The following AUTS2 variants were observed in gnomAD, a reference collection of about 807,000 sequenced individuals.
AUTS2 encodes autism susceptibility gene 2 protein.
AUTS2 carries 17 observed loss-of-function variants against 112.4 expected under a neutral mutation model. That is an observed-to-expected ratio of 0.15 (90% confidence interval 0.10 to 0.23). AUTS2 has a LOEUF of 0.23. Among genes scored for constraint, AUTS2 ranks in the 10% least tolerant of loss-of-function variants. AUTS2 has a pLI of 1.00. For missense variants in AUTS2, 1,510 were observed against 1,701.6 expected (o/e 0.89, Z 1.98); for synonymous variants, 751 against 702.7 (o/e 1.07, Z -1.09).
In AUTS2 at chr7:70,171,215, G is replaced by C. The variant is rs145323537; in HGVS notation, c.660+36644G>C. Among the ~76,000 whole-genome samples, 227 of 152,248 alleles carry C rather than the reference G, an allele frequency of 1.5e-3. 1 individual carries two copies. Among genetic ancestry groups the C allele is most frequent in the African/African-American group, 4.7e-3 (194 of 41,548 alleles). On this transcript the variant is annotated intron_variant, in intron 4 of 18. Coordinates refer to ENST00000342771, the MANE Select transcript of AUTS2 (RefSeq NM_015570.4). ...AGTACTCTATTGTTCCCAAACTGTT[G>C]GATTGCATGCCATTTTCCCAAACTC...
chr7:70,455,762 G>GCAATTC (rs1796713411), intron 5 of AUTS2, among the ~76,000 whole-genome samples: 1 of 152,112 alleles, frequency 6.6e-6, no homozygotes, highest in African/African-American at 2.4e-5. Flanking sequence ...ACTTCAGCCT[G>GCAATTC]GGTGACAGAG....
At chr7:70,063,106 C>G (rs1802328255) in intron 2 of AUTS2, among the ~76,000 whole-genome samples, 1 of 152,130 alleles carries the variant, frequency 6.6e-6, no homozygotes, top group Non-Finnish European at 1.5e-5. Context: ...CCCAACATCC[C>G]CACCCACAGT....
At chr7:70,492,806 A>G (rs369655294) in intron 5 of AUTS2, among the ~76,000 whole-genome samples, 9 of 152,186 alleles carry the variant, frequency 5.9e-5, no homozygotes, top group Non-Finnish European at 1.2e-4. Flanking sequence ...CCGGGCCCAC[A>G]CTATGCTGTT....
At chr7:70,751,878 A>G (rs964373910) in intron 6 of AUTS2, among the ~76,000 whole-genome samples, 1 of 147,954 alleles carries the variant, frequency 6.8e-6, no homozygotes, top group African/African-American at 2.5e-5. Flanking sequence ...GTGACACCAC[A>G]CCACCTAATT....
chr7:70,660,704 G>T (rs761352900), intron 5 of AUTS2, among the ~76,000 whole-genome samples: 4 of 152,186 alleles, frequency 2.6e-5, no homozygotes, highest in Non-Finnish European at 4.4e-5. Context: ...CCTCACCAGG[G>T]GAAGTAGCTG....
chr7:70,086,639 T>TCAA (rs1336472469), intron 2 of AUTS2, among the ~76,000 whole-genome samples: 13 of 69,502 alleles, frequency 1.9e-4, no homozygotes, highest in Admixed American at 1.5e-3. Context: ...AGACTCCATC[T>TCAA]CAAAAAAAAA....
intron 1 of AUTS2, among the ~76,000 whole-genome samples, chr7:69,602,070 G>T: frequency 7.7e-6 from 1 of 129,206 alleles, no homozygotes; most frequent in African/African-American, 3.2e-5. Context: ...GTGTGTGTGT[G>T]TGTGTGTGTG....
intron 4 of AUTS2, among the ~76,000 whole-genome samples, chr7:70,193,329 T>C (rs1248700095): frequency 6.6e-6 from 1 of 152,196 alleles, no homozygotes; most frequent in Admixed American, 6.5e-5. Context: ...GAAATTATTA[T>C]AAGTCAATGA....
At chr7:70,368,816 G>T (rs1158660110) in intron 4 of AUTS2, among the ~76,000 whole-genome samples, 1 of 152,206 alleles carries the variant, frequency 6.6e-6, no homozygotes, top group African/African-American at 2.4e-5. Context: ...GATGGCAGTG[G>T]CTTCTCTTTT....
chr7:70,791,169 A>ATGT lies in AUTS2; in HGVS notation c.*176_*178dup, dbSNP rs1462388913. 2.3e-5 allele frequency: 14 copies of ATGT among 607,158 alleles called. No homozygotes were observed. The highest frequency in any genetic ancestry group is 3.1e-5 in the Non-Finnish European group (13 of 414,218). 37.6% of individuals were successfully genotyped at this position (607,158 alleles called of 1,614,324 possible). A position where few individuals can be genotyped will look rare whatever the true frequency, so the allele number is the denominator to read the frequency against. On this transcript the variant is annotated 3_prime_UTR_variant, in exon 19 of 19. Transcript: ENST00000342771. Reference sequence around the variant, plus strand: ...CATTTTGAAATGTTTTGTATATTATATGTTGAGATTTTTCAGATCTTTTAG... The same window carrying ATGT: ...CATTTTGAAATGTTTTGTATATTATATGTTGTTGAGATTTTTCAGATCTTTTAG...
At chr7:70,386,476 T>G (rs1793612676) in intron 4 of AUTS2, among the ~76,000 whole-genome samples, 1 of 152,164 alleles carries the variant, frequency 6.6e-6, no homozygotes. Flanking sequence ...ACTATCTAAT[T>G]CTAGAACATT....
chr7:70,129,143 A>G (rs1431987661), intron 3 of AUTS2, among the ~76,000 whole-genome samples: 1 of 152,210 alleles, frequency 6.6e-6, no homozygotes, highest in Non-Finnish European at 1.5e-5. Flanking sequence ...AAGTCCCAAG[A>G]TCTACAATCA....
intron 4 of AUTS2, among the ~76,000 whole-genome samples, chr7:70,203,935 A>T (rs1810436196): frequency 6.6e-6 from 1 of 150,918 alleles, no homozygotes; most frequent in African/African-American, 2.4e-5. Context: ...TAAATGAATG[A>T]TTGGCTATTA....
At chr7:70,349,481 CT>C (rs766015111) in intron 4 of AUTS2, among the ~76,000 whole-genome samples, 23 of 152,132 alleles carry the variant, frequency 1.5e-4, no homozygotes, top group Non-Finnish European at 3.1e-4. Context: ...ACTTGAAGGA[CT>C]TTTTTTGTGG....
intron 2 of AUTS2, among the ~76,000 whole-genome samples, chr7:70,085,666 C>CTATT (rs913941348): frequency 6.6e-6 from 1 of 152,210 alleles, no homozygotes; most frequent in African/African-American, 2.4e-5. Flanking sequence ...CATGCCTAGC[C>CTATT]TATTTTTACA....
At chr7:70,304,011 C>T (rs929783103) in intron 4 of AUTS2, among the ~76,000 whole-genome samples, 2 of 152,142 alleles carry the variant, frequency 1.3e-5, no homozygotes, top group Non-Finnish European at 2.9e-5. Flanking sequence ...CCCTCCTCAG[C>T]GCATCACCTT....
intron 4 of AUTS2, among the ~76,000 whole-genome samples, chr7:70,391,086 C>G (rs942717813): frequency 1.3e-5 from 2 of 152,228 alleles, no homozygotes; most frequent in Non-Finnish European, 1.5e-5. Flanking sequence ...CCCACACGTA[C>G]AGGCCACCAT....
chr7:69,707,755 C>T (rs1268886350), intron 1 of AUTS2, among the ~76,000 whole-genome samples: 6 of 152,174 alleles, frequency 3.9e-5, no homozygotes, highest in Non-Finnish European at 8.8e-5. Flanking sequence ...GGTGGGAGAA[C>T]ATGATACCTA....
chr7:70,070,429 A>AG (rs1802703105), intron 2 of AUTS2, among the ~76,000 whole-genome samples: 1 of 148,624 alleles, frequency 6.7e-6, no homozygotes, highest in Non-Finnish European at 1.5e-5. Context: ...AAAAAAAAAA[A>AG]TTAGCCAGGT....
Sources: allele counts gnomAD v4.1 joint callset (sites outside exome capture counted in the v4.1 genomes callset), GRCh38; gene constraint gnomAD v4.1.1; transcripts MANE v1.5; gene names NCBI Gene and HGNC (gene_info 2026-07-23, HGNC 2026-07-21).